ANK3: variants seen among roughly 807,000 people sequenced by gnomAD.
The protein encoded by ANK3 is ankyrin 3.
In ANK3, 57 loss-of-function variants were observed where a neutral mutation model predicts 370.9. That is an observed-to-expected ratio of 0.15 (90% CI 0.12 to 0.19). The LOEUF is 0.19. Ranked by LOEUF, ANK3 falls within the 10% of genes least tolerant of loss-of-function variation. ANK3 has a pLI of 1.00. For missense variants in ANK3, 4,439 were observed against 5,302.1 expected, an observed-to-expected ratio of 0.84 and a Z score of 5.06; for synonymous variants, 1,929 against 1,946.3, an observed-to-expected ratio of 0.99 and a Z score of 0.23.
intron 2 of ANK3, among the ~76,000 whole-genome samples, chr10:60,437,804 A>T (rs1159035217): frequency 2.0e-5 from 3 of 152,160 alleles, no homozygotes; most frequent in Admixed American, 6.5e-5. Context: ...CTGTCAGATG[A>T]AGAAACAGAC....
chr10:60,554,584 G>C (rs1328245557), intron 2 of ANK3, among the ~76,000 whole-genome samples: 2 of 152,134 alleles, frequency 1.3e-5, no homozygotes, highest in South Asian at 4.1e-4. Flanking sequence ...TAAAGTAGAT[G>C]ATGAGCCAAA....
chr10:60,505,579 T>C lies in ANK3; in HGVS notation c.96+109607A>G, dbSNP rs755843975. Among the ~76,000 whole-genome samples the C allele has an allele frequency of 1.2e-3, 189 of 152,120 alleles. 1 individual carries two copies. The highest frequency in any genetic ancestry group is 2.3e-3 in the Non-Finnish European group (155 of 68,016). ...AGTTCTTCCTGATCAAGATTCTGAA[T>C]TCAACCTTACATTTACTGGCATTTC... On this transcript the variant is annotated intron_variant, in intron 2 of 43. Transcript: ENST00000373827.
chr10:60,149,775 C>T (rs2095015095), intron 23 of ANK3, among the ~76,000 whole-genome samples: 1 of 152,240 alleles, frequency 6.6e-6, no homozygotes, highest in African/African-American at 2.4e-5. Flanking sequence ...GTGGTACGAT[C>T]TCGGCTCACT....
intron 43 of ANK3, 67 bp downstream of exon 43, chr10:60,042,604 TA>T: frequency 2.1e-6 from 3 of 1,424,984 alleles, no homozygotes; most frequent in Non-Finnish European, 2.9e-6. Flanking sequence ...CAGAATCACT[TA>T]TTTAGTGAAA....
At chr10:60,240,306 A>ATAT (rs11282162) in intron 7 of ANK3, among the ~76,000 whole-genome samples, 16 of 119,734 alleles carry the variant, frequency 1.3e-4, no homozygotes, top group African/African-American at 1.6e-4. Flanking sequence ...ATATATATAT[A>ATAT]TTTTTTTTTC....
intron 2 of ANK3, among the ~76,000 whole-genome samples, chr10:60,583,004 T>C (rs150620278): frequency 6.6e-6 from 1 of 152,264 alleles, no homozygotes; most frequent in Non-Finnish European, 1.5e-5. Context: ...ACAATCCCAC[T>C]ACTAGGTATA....
At chr10:60,701,879 GTTAA>G (rs914710161) in intron 1 of ANK3, among the ~76,000 whole-genome samples, 5 of 152,232 alleles carry the variant, frequency 3.3e-5, no homozygotes, top group African/African-American at 7.2e-5. Flanking sequence ...TCTAAAAATG[GTTAA>G]TTAAAGGGGA....
chr10:60,151,285 C>T (rs2095101479), intron 23 of ANK3, among the ~76,000 whole-genome samples: 1 of 152,072 alleles, frequency 6.6e-6, no homozygotes, highest in African/African-American at 2.4e-5. Flanking sequence ...GGAGGTGGGG[C>T]CTAGTGGGAG....
chr10:60,382,472 T>C (rs2061671184), intron 1 of ANK3, among the ~76,000 whole-genome samples: 1 of 152,134 alleles, frequency 6.6e-6, no homozygotes, highest in African/African-American at 2.4e-5. Flanking sequence ...GAAATCTATA[T>C]ATTTTATAAG....
intron 21 of ANK3, among the ~76,000 whole-genome samples, chr10:60,169,367 T>TGTTTG (rs1555052715): frequency 1.6e-3 from 67 of 42,646 alleles, no homozygotes; most frequent in African/African-American, 4.2e-3. Context: ...TCTCATAGTT[T>TGTTTG]TTTTTTTTTT....
At chr10:60,241,383 C>T (rs1210989283) in intron 7 of ANK3, among the ~76,000 whole-genome samples, 1 of 151,988 alleles carries the variant, frequency 6.6e-6, no homozygotes, top group Non-Finnish European at 1.5e-5. Context: ...TGTTCTTGTA[C>T]CAAATAAATT....
chr10:60,428,578 C>G (rs180994076), intron 2 of ANK3, among the ~76,000 whole-genome samples: 34 of 152,314 alleles, frequency 2.2e-4, no homozygotes, highest in Admixed American at 1.3e-3. Flanking sequence ...GCCCTGATAA[C>G]AGTGACTTAC....
chr10:60,037,813 A>G (rs1196685723), intron 43 of ANK3, among the ~76,000 whole-genome samples: 3 of 152,190 alleles, frequency 2.0e-5, no homozygotes, highest in African/African-American at 7.2e-5. Context: ...TACACCCAAT[A>G]ATGGGATTGC....
chr10:60,626,924 C>T (rs1007062830), intron 1 of ANK3, among the ~76,000 whole-genome samples: 6 of 151,718 alleles, frequency 4.0e-5, no homozygotes, highest in East Asian at 1.9e-4. Flanking sequence ...GAATGGTTTT[C>T]GAGAAAACCA....
intron 2 of ANK3, among the ~76,000 whole-genome samples, chr10:60,447,624 C>G (rs763770955): frequency 1.3e-5 from 2 of 152,118 alleles, no homozygotes; most frequent in African/African-American, 2.4e-5. Flanking sequence ...GGGCAAAATG[C>G]ACCATGCCAA....
rs1160913915 is a variant in ANK3 at position 60,213,481 on chromosome 10, T to A, written c.927A>T (p.Ala309=). Residue 309 remains alanine, a synonymous_variant, in exon 9 of 44, where the codon GCA becomes GCT. Coordinates refer to ENST00000280772, the MANE Select transcript of ANK3 (RefSeq NM_020987.5). ...RDGLTPLHCG[A]RSGHEQVVEM... ...CTACCACCTGCTCGTGGCCACTCCT[T>A]GCTCCACAGTGCAGTGGTGTCAGAC... is the stretch of plus-strand genomic sequence containing the variant. 4.3e-6 allele frequency: 7 copies of A among 1,612,580 alleles called. No homozygotes were observed. Among genetic ancestry groups the A allele is most frequent in the African/African-American group, 1.3e-5 (1 of 74,986 alleles).
rs78503977 is a variant in ANK3, at chr10:60,579,984, A to G, written c.96+35202T>C. Among the ~76,000 whole-genome samples, 1,232 of 152,338 alleles carry G rather than the reference A, an allele frequency of 8.1e-3. 6 individuals are homozygous for G. Among genetic ancestry groups the G allele is most frequent in the Admixed American group, 0.013 (198 of 15,296 alleles). On this transcript the variant is annotated intron_variant, in intron 2 of 43. Transcript: ENST00000373827. Reference sequence around the variant, plus strand: ...CAATCTAAACATTCCTCAATGAGGTATAAGGATGTGTGTTTGCTTATAACC... The same window carrying G: ...CAATCTAAACATTCCTCAATGAGGTGTAAGGATGTGTGTTTGCTTATAACC...
chr10:60,410,900 C>T (rs963093982), intron 2 of ANK3, among the ~76,000 whole-genome samples: 1 of 152,158 alleles, frequency 6.6e-6, no homozygotes, highest in Admixed American at 6.5e-5. Flanking sequence ...TCTTGAACTC[C>T]CGGCCTCAGG....
intron 2 of ANK3, among the ~76,000 whole-genome samples, chr10:60,438,312 T>C (rs1448948791): frequency 6.6e-6 from 1 of 152,076 alleles, no homozygotes; most frequent in African/African-American, 2.4e-5. Context: ...AGGACAGGCA[T>C]TAAAAATGAG....
Sources: allele counts gnomAD v4.1 joint callset (sites outside exome capture counted in the v4.1 genomes callset), GRCh38; gene constraint gnomAD v4.1.1; transcripts MANE v1.5; gene names NCBI Gene and HGNC (gene_info 2026-07-23, HGNC 2026-07-21).